VPS13C: variants seen among roughly 807,000 people sequenced by gnomAD.
The protein encoded by VPS13C is intermembrane lipid transfer protein VPS13C.
A neutral mutation model predicts 456.8 loss-of-function variants in VPS13C; 358 were observed. That is an observed-to-expected ratio of 0.78 (90% CI 0.72 to 0.86). The LOEUF is 0.86. Ranked by LOEUF, VPS13C falls within the 40% of genes least tolerant of loss-of-function variation. The probability of loss-of-function intolerance (pLI) is 0.00; values close to 1 mark genes in which losing one functional copy is unlikely to be tolerated. For synonymous variants in VPS13C, 1,578 were observed against 1,486.7 expected (o/e 1.06, Z -1.41); for missense variants, 4,818 against 4,385.4 (o/e 1.10, Z -2.79).
chr15:61,887,868 T>C lies in VPS13C; in HGVS notation c.9341+2297A>G, dbSNP rs1222652504. Among the ~76,000 whole-genome samples the C allele has an allele frequency of 3.9e-5, 6 of 152,126 alleles. No individual in the cohort carries two copies. In the East Asian group the frequency reaches 1.2e-3, roughly 29 times the overall value. The stretch of plus-strand genomic sequence containing the variant: ...GAGAATTGATAAGTCTGAGGTAAAA[T>C]ATAAAACTTCTGCTGTTAAAAGCAG... On this transcript the variant is annotated intron_variant, in intron 67 of 84. Coordinates refer to ENST00000644861, the MANE Select transcript of VPS13C (RefSeq NM_020821.3).
At chr15:61,895,033 C>A (rs184472689) in intron 66 of VPS13C, among the ~76,000 whole-genome samples, 4 of 152,010 alleles carry the variant, frequency 2.6e-5, no homozygotes, top group Non-Finnish European at 5.9e-5. Context: ...TTTCTGTCCA[C>A]AATGGAATAA....
chr15:61,933,053 A>G (rs1036412610), intron 49 of VPS13C, among the ~76,000 whole-genome samples: 1 of 152,242 alleles, frequency 6.6e-6, no homozygotes, highest in Non-Finnish European at 1.5e-5. Flanking sequence ...AAGTCATTGC[A>G]GTACTACAAG....
intron 48 of VPS13C, 39 bp downstream of exon 48, chr15:61,936,558 C>T (rs752489920): frequency 1.3e-6 from 2 of 1,488,824 alleles, no homozygotes; most frequent in Non-Finnish European, 1.8e-6. Context: ...ACATTAACAC[C>T]AATTTTTTCT....
At chr15:62,023,185 C>T (rs942402278) in intron 8 of VPS13C, among the ~76,000 whole-genome samples, 1 of 151,662 alleles carries the variant, frequency 6.6e-6, no homozygotes, top group East Asian at 1.9e-4. Flanking sequence ...AATCCAAAAA[C>T]CTCTTATATC....
Position 61,947,300 on chromosome 15 carries a change from T to A in VPS13C, c.4769A>T (p.Asn1590Ile), listed in dbSNP as rs902471221. Residue 1590 changes from asparagine (N) to isoleucine (I), a missense_variant, in exon 43 of 85, where the codon AAC (asparagine) becomes ATC (isoleucine). Physicochemically the swap from Asn to Ile is moderately radical, Grantham distance 149. This residue lies in a region of VPS13C where 4,552 missense variants were observed against 4,130.6 expected (regional missense o/e 1.10). Transcript: ENST00000644861. ...ATCAAACACATCCTTTTGGGAAATG[T>A]TGCTGGATACTAAAAAATAATAGAA... Reference protein sequence around the residue: ...RSIAVKAVSSNISQKDVFDLK... With the variant: ...RSIAVKAVSSIISQKDVFDLK... The A allele has an allele frequency of 1.2e-6, 2 of 1,607,006 alleles. No individual in the cohort carries two copies. The highest frequency in any genetic ancestry group is 2.7e-5 in the African/African-American group (2 of 74,528).
intron 15 of VPS13C, among the ~76,000 whole-genome samples, chr15:62,002,737 T>A (rs888071843): frequency 6.6e-6 from 1 of 152,202 alleles, no homozygotes; most frequent in Non-Finnish European, 1.5e-5. Flanking sequence ...TTTCTACATA[T>A]GGCTAGACAG....
In VPS13C at chr15:61,869,541, T is replaced by A. The variant is rs1453940756; in HGVS notation, c.10707A>T (p.Gly3569=). 6.2e-6 allele frequency: 10 copies of A among 1,614,188 alleles called. No individual in the cohort carries two copies. The highest frequency in any genetic ancestry group is 8.5e-6 in the Non-Finnish European group (10 of 1,180,020). The change falls in exon 80 of 85, where the codon GGA becomes GGT. Residue 3569 remains glycine (G), a synonymous_variant. Coordinates refer to ENST00000644861, the MANE Select transcript of VPS13C (RefSeq NM_020821.3). ...LVGAVARPTG[G]IVDMASSTFQ... is the part of the protein sequence containing the mutation. ...AGGTACTACTGGCCATATCTACGAT[T>A]CCACCAGTTGGACGGGCCACAGCAC...
At chr15:62,058,820 G>A (rs2048889935) in intron 1 of VPS13C, among the ~76,000 whole-genome samples, 1 of 152,124 alleles carries the variant, frequency 6.6e-6, no homozygotes. Flanking sequence ...GGGAGGCTGA[G>A]GCAGGAGGAT....
Position 62,028,498 on chromosome 15 carries a change from T to G in VPS13C, c.386-78A>C. 2.2e-6 allele frequency: 3 copies of G among 1,351,416 alleles called. No individual in the cohort carries two copies. In the South Asian group the frequency reaches 3.7e-5, roughly 17 times the overall value. 83.7% of individuals were successfully genotyped at this position (1,351,416 alleles called of 1,614,324 possible). A position where few individuals can be genotyped will look rare whatever the true frequency, so the allele number is the denominator to read the frequency against. ...TTTAATTTCACATGTAAAATATACC[T>G]AAATTTAATTTCATATAATTAGAAA... On this transcript the variant is annotated intron_variant, in intron 5 of 84. Coordinates refer to ENST00000644861, the MANE Select transcript of VPS13C (RefSeq NM_020821.3).
At chr15:62,042,063 A>G (rs1468291300) in intron 2 of VPS13C, among the ~76,000 whole-genome samples, 1 of 152,192 alleles carries the variant, frequency 6.6e-6, no homozygotes, top group African/African-American at 2.4e-5. Context: ...AGTTGAAAAC[A>G]TTACTGAACA....
chr15:62,035,255 T>C (rs142566834), intron 3 of VPS13C, among the ~76,000 whole-genome samples: 109 of 152,104 alleles, frequency 7.2e-4, no homozygotes, highest in Middle Eastern at 6.8e-3. Flanking sequence ...CACATTGTAA[T>C]TTTTATTTTT....
intron 66 of VPS13C, among the ~76,000 whole-genome samples, chr15:61,903,294 C>G (rs2043058840): frequency 6.6e-6 from 1 of 152,028 alleles, no homozygotes; most frequent in African/African-American, 2.4e-5. Flanking sequence ...CATGATCACA[C>G]CACTGCACTC....
chr15:61,890,729 C>T (rs2042623686), intron 66 of VPS13C, among the ~76,000 whole-genome samples: 1 of 152,118 alleles, frequency 6.6e-6, no homozygotes, highest in Admixed American at 6.6e-5. Context: ...AGCCGGAAAA[C>T]AGAATGGTTC....
chr15:61,919,729 C>T (rs988666612), intron 57 of VPS13C, among the ~76,000 whole-genome samples: 2 of 150,794 alleles, frequency 1.3e-5, no homozygotes, highest in East Asian at 3.9e-4. Context: ...TTCTTTGTCA[C>T]AGTGTCAACA....
chr15:61,997,339 T>C (rs931318004), intron 16 of VPS13C, among the ~76,000 whole-genome samples: 16 of 152,198 alleles, frequency 1.1e-4, no homozygotes, highest in African/African-American at 3.9e-4. Context: ...ATAGAAGCTT[T>C]GGATCTTTGC....
chr15:61,994,520 C>A (rs967268696), intron 16 of VPS13C, among the ~76,000 whole-genome samples: 4 of 151,664 alleles, frequency 2.6e-5, no homozygotes, highest in African/African-American at 9.7e-5. Context: ...GAGTCACTTA[C>A]AATTAAATAT....
intron 29 of VPS13C, among the ~76,000 whole-genome samples, chr15:61,966,646 A>C (rs2045385265): frequency 6.6e-6 from 1 of 152,006 alleles, no homozygotes; most frequent in African/African-American, 2.4e-5. Flanking sequence ...AACAAATTCA[A>C]ACTCAAAGAT....
In VPS13C at chr15:62,012,145, A is replaced by C; in HGVS notation, c.845T>G (p.Ile282Ser). 1 of 1,549,090 alleles carries C rather than the reference A, an allele frequency of 6.5e-7. No homozygotes were observed. The highest frequency in any genetic ancestry group is 1.1e-5 in the South Asian group (1 of 88,932). Residue 282 changes from isoleucine to serine, a missense_variant, in exon 12 of 85, where the codon ATT becomes AGT. Ile to Ser is a moderately radical substitution (Grantham distance 142). This residue lies in a region of VPS13C where 4,552 missense variants were observed against 4,130.6 expected (regional missense o/e 1.10). Coordinates refer to ENST00000644861, the MANE Select transcript of VPS13C (RefSeq NM_020821.3). ...EQILDQLKNEILTSGNIPPNY... is the reference protein window; with the variant it reads ...EQILDQLKNESLTSGNIPPNY... ...TGGGGGTATATTTCCACTTGTAAGA[A>C]TTTCATTTTTCAGCTGATCCTAAAC...
At chr15:61,972,835 A>C (rs1303807096) in intron 26 of VPS13C, 71 bp from the exon 27 acceptor site, 3 of 1,445,742 alleles carry the variant, frequency 2.1e-6, no homozygotes, top group African/African-American at 2.8e-5. Flanking sequence ...CTCAAATCTA[A>C]ATCTCTAAAA....
Sources: gnomAD v4.1 joint callset for allele counts (sites outside exome capture counted in the v4.1 genomes callset) on GRCh38, gnomAD v4.1.1 for gene constraint, gnomAD v4.1.1 regional missense constraint, MANE v1.5 for transcripts, NCBI Gene and HGNC (gene_info 2026-07-23, HGNC 2026-07-21) for gene names.